The following PTPRN variants were observed in gnomAD, a reference collection of about 807,000 sequenced individuals.
The protein encoded by PTPRN is receptor-type tyrosine-protein phosphatase-like N.
A neutral mutation model predicts 108.5 loss-of-function variants in PTPRN; 70 were observed. The observed-to-expected ratio is 0.65, with a 90% CI of 0.53 to 0.79. The LOEUF is 0.79. PTPRN is among the 30% of genes least tolerant of loss of function. PTPRN has a pLI of 0.00. For synonymous variants in PTPRN, 496 were observed against 524.6 expected (o/e 0.95, Z 0.75); for missense variants, 1,136 against 1,295.5 (o/e 0.88, Z 1.89).
At position 219,298,032 on chromosome 2, in the gene PTPRN, AG is replaced by A. The variant is rs1952245091; in HGVS notation, c.1739del (p.Thr580IlefsTer75). 6.2e-7 allele frequency: 1 copy of A among 1,613,948 alleles called. No individual in the cohort carries two copies. The highest frequency in any genetic ancestry group is 1.3e-5 in the African/African-American group (1 of 74,930). On this transcript the variant is annotated frameshift_variant, in exon 13 of 23. Transcript: ENST00000295718. LOFTEE classifies it high-confidence loss of function. The part of the protein sequence containing the change: ...STSPMRSVLL[T>X]LVALAGVAGL... Reference sequence around the variant, plus strand: ...CAGCCACACCTGCCAGGGCCACCAGAGTGAGCAGCACTGAGCGCATGGGTGA... The same window carrying A: ...CAGCCACACCTGCCAGGGCCACCAGATGAGCAGCACTGAGCGCATGGGTGA...
chr2:219,305,312 G>T (rs560552022), intron 3 of PTPRN, among the ~76,000 whole-genome samples: 4 of 150,726 alleles, frequency 2.7e-5, no homozygotes. Flanking sequence ...GTGCGATCTC[G>T]GCTCACCACA....
intron 19 of PTPRN, chr2:219,291,797 G>C (rs1344621761): frequency 1.9e-6 from 1 of 534,208 alleles, no homozygotes; most frequent in East Asian, 3.3e-5. Context: ...TTTCTTACCT[G>C]TAAAATGGAG....
chr2:219,307,271 A>G, intron 3 of PTPRN, 173 bp downstream of exon 3: 1 of 565,858 alleles, frequency 1.8e-6, no homozygotes. Flanking sequence ...TTCTCCAGAG[A>G]GTCCAAATGT....
intron 4 of PTPRN, 151 bp from the exon 5 acceptor site, chr2:219,302,988 G>A: frequency 2.2e-6 from 2 of 898,094 alleles, no homozygotes; most frequent in Non-Finnish European, 1.6e-6. Context: ...AGAGAGATGG[G>A]CTGGGTGGGA....
intron 1 of PTPRN, chr2:219,308,773 G>T: frequency 8.3e-7 from 1 of 1,199,712 alleles, no homozygotes; most frequent in Non-Finnish European, 1.1e-6. Flanking sequence ...CTCTCTCTCT[G>T]CCCAGCTGGG....
intron 18 of PTPRN, chr2:219,295,349 A>G: frequency 1.8e-6 from 1 of 543,642 alleles, no homozygotes; most frequent in Non-Finnish European, 3.2e-6. Context: ...ACCCAGACAC[A>G]GCTATTGTGA....
Position 219,297,142 on chromosome 2 carries a change from C to T in PTPRN, c.2089-10G>A. The T allele has an allele frequency of 1.2e-6, 2 of 1,613,564 alleles. No individual in the cohort carries two copies. The highest frequency in any genetic ancestry group is 1.7e-6 in the Non-Finnish European group (2 of 1,179,750). ...GATCCTCCATGTATGCCTGTGGGGG[C>T]ACCACGGTCTGGCTCTGGCCCACAC... is the stretch of plus-strand genomic sequence containing the variant. On this transcript the variant is annotated splice_polypyrimidine_tract_variant and intron_variant, in intron 14 of 22. Transcript: ENST00000295718. This position sits in a 1 kb window ranked among gnomAD's most constrained non-coding sequence, Gnocchi z 6.0.
chr2:219,301,720 C>G lies in PTPRN; in HGVS notation c.995-1G>C. 6.2e-7 allele frequency: 1 copy of G among 1,606,334 alleles called. No individual in the cohort carries two copies. Among genetic ancestry groups the G allele is most frequent in the Non-Finnish European group, 8.5e-7 (1 of 1,173,946 alleles). On this transcript the variant is annotated splice_acceptor_variant, in intron 6 of 22. Coordinates refer to ENST00000295718, the MANE Select transcript of PTPRN (RefSeq NM_002846.4). LOFTEE classifies it high-confidence loss of function. ...GCGGCCAGCCTCTGCAGAGCCGCAT[C>G]TGCTGGGAGCCAGACACAGAGCTTA...
intron 18 of PTPRN, 28 bp from the exon 19 acceptor site, chr2:219,295,169 G>A (rs902164486): frequency 1.3e-6 from 2 of 1,594,026 alleles, no homozygotes; most frequent in Admixed American, 3.5e-5. Context: ...AGGCCTGAGC[G>A]CCGCGGGCTG....
At chr2:219,298,399 A>C (rs189996110) in intron 12 of PTPRN, among the ~76,000 whole-genome samples, 1 of 152,302 alleles carries the variant, frequency 6.6e-6, no homozygotes, top group East Asian at 1.9e-4. Context: ...TTGGATGCAG[A>C]AGACAAAGGT....
intron 19 of PTPRN, among the ~76,000 whole-genome samples, chr2:219,293,712 C>T (rs757586062): frequency 6.4e-4 from 98 of 152,194 alleles, no homozygotes; most frequent in Non-Finnish European, 9.1e-4. Flanking sequence ...CAGTTAGAAA[C>T]TGCTGTCCTG....
At position 219,290,622 on chromosome 2, in the gene PTPRN, A is replaced by T; in HGVS notation, c.2795-11T>A. ...CAATCTCCTTCACTCCTGGAGATGGAGGTGGGGATGGGGCTGCTCAGGGGG... is the reference window on the plus strand; with the variant it reads ...CAATCTCCTTCACTCCTGGAGATGGTGGTGGGGATGGGGCTGCTCAGGGGG... On this transcript the variant is annotated splice_polypyrimidine_tract_variant and intron_variant, in intron 21 of 22. Transcript: ENST00000295718. This position sits in a 1 kb window ranked among gnomAD's most constrained non-coding sequence, Gnocchi z 4.2. 6.4e-7 allele frequency: 1 copy of T among 1,551,316 alleles called. No homozygotes were observed. Among genetic ancestry groups the T allele is most frequent in the Non-Finnish European group, 8.7e-7 (1 of 1,146,540 alleles).
chr2:219,301,030 C>A, intron 7 of PTPRN, 53 bp from the exon 8 acceptor site: 7 of 1,578,366 alleles, frequency 4.4e-6, no homozygotes, highest in Non-Finnish European at 6.1e-6. Context: ...CCAAGGTCTA[C>A]ACAACACAAG....
intron 11 of PTPRN, 81 bp downstream of exon 11, chr2:219,299,224 G>C (rs1574921551): frequency 6.3e-7 from 1 of 1,596,194 alleles, no homozygotes; most frequent in East Asian, 2.2e-5. Context: ...TTTCAAGGGG[G>C]CATCAGCAAC....
At chr2:219,292,369 C>T (rs1952072397) in intron 19 of PTPRN, 1 of 152,248 alleles carries the variant, frequency 6.6e-6, no homozygotes, top group Non-Finnish European at 1.5e-5. Flanking sequence ...TCCTTTATGA[C>T]CTTTCTGCTT....
At chr2:219,303,919 C>T in intron 3 of PTPRN, 88 bp from the exon 4 acceptor site, 2 of 966,092 alleles carry the variant, frequency 2.1e-6, no homozygotes, top group Non-Finnish European at 3.0e-6. Flanking sequence ...GTACCCTCTG[C>T]CCTGCAGCTC....
At chr2:219,305,003 C>A (rs1432176717) in intron 3 of PTPRN, among the ~76,000 whole-genome samples, 1 of 152,070 alleles carries the variant, frequency 6.6e-6, no homozygotes, top group Non-Finnish European at 1.5e-5. Flanking sequence ...ACTATTCTAC[C>A]AAAGCTGCTC....
chr2:219,298,871 C>T (rs1285337793), intron 12 of PTPRN, 176 bp downstream of exon 12: 12 of 730,166 alleles, frequency 1.6e-5, no homozygotes, highest in Non-Finnish European at 3.0e-5. Context: ...ACACCTACGC[C>T]ATCTGCTGGT....
chr2:219,295,999 CACA>C (rs1952184289), intron 18 of PTPRN: 1 of 588,440 alleles, frequency 1.7e-6, no homozygotes, highest in African/African-American at 1.9e-5. Flanking sequence ...CACACACACA[CACA>C]CATGTATGTT....
Sources: allele counts gnomAD v4.1 joint callset (sites outside exome capture counted in the v4.1 genomes callset), GRCh38; gene constraint gnomAD v4.1.1; non-coding constraint Gnocchi (gnomAD v3.1); transcripts MANE v1.5; gene names NCBI Gene and HGNC (gene_info 2026-07-23, HGNC 2026-07-21).